The following PEX5L variants were observed in gnomAD, a reference collection of about 807,000 sequenced individuals.
PEX5L encodes the protein peroxisomal biogenesis factor 5 like, also known as PEX5-related protein.
PEX5L carries 30 observed loss-of-function variants against 84.0 expected under a neutral mutation model. The observed-to-expected ratio is 0.36, with a 90% confidence interval of 0.27 to 0.48. The LOEUF (loss-of-function observed/expected upper bound fraction) is 0.48. Among genes scored for constraint, PEX5L ranks in the 20% least tolerant of loss-of-function variants. The probability of loss-of-function intolerance (pLI) is 0.99; values close to 1 mark genes in which losing one functional copy is unlikely to be tolerated. For missense variants in PEX5L, 533 were observed against 754.6 expected, an observed-to-expected ratio of 0.71 and a Z score of 3.44; for synonymous variants, 270 against 283.1, an observed-to-expected ratio of 0.95 and a Z score of 0.46.
chr3:179,888,849 C>T (rs769769210), intron 3 of PEX5L, among the ~76,000 whole-genome samples: 4 of 152,054 alleles, frequency 2.6e-5, no homozygotes, highest in Non-Finnish European at 4.4e-5. Context: ...ACCGCATCCT[C>T]GAACTCCTGG....
At chr3:179,823,031 A>C (rs1236651233) in intron 8 of PEX5L, among the ~76,000 whole-genome samples, 1 of 152,242 alleles carries the variant, frequency 6.6e-6, no homozygotes, top group Middle Eastern at 3.2e-3. Context: ...ACTAAATGAG[A>C]AAATGCATCC....
At chr3:180,029,023 A>C (rs1304079455) in intron 1 of PEX5L, among the ~76,000 whole-genome samples, 12 of 152,190 alleles carry the variant, frequency 7.9e-5, no homozygotes, top group Admixed American at 7.8e-4. Context: ...AGTGGTTGGA[A>C]TTCACCTGAT....
At chr3:179,853,896 C>G (rs1742911854) in intron 8 of PEX5L, among the ~76,000 whole-genome samples, 1 of 151,202 alleles carries the variant, frequency 6.6e-6, no homozygotes, top group South Asian at 2.1e-4. Context: ...ACTGTAGCCT[C>G]TACATCCTGG....
At chr3:179,974,152 T>G (rs538810157) in intron 1 of PEX5L, 2 of 985,528 alleles carry the variant, frequency 2.0e-6, no homozygotes, top group Middle Eastern at 1.0e-3. Flanking sequence ...ATCTATGCAC[T>G]TTTGTCAAGC....
chr3:179,845,964 G>A (rs1161230327), intron 8 of PEX5L, among the ~76,000 whole-genome samples: 1 of 152,322 alleles, frequency 6.6e-6, no homozygotes, highest in African/African-American at 2.4e-5. Context: ...GAGGTCAGGA[G>A]TTTGAGACCA....
At chr3:179,902,735 T>C (rs963481379) in intron 2 of PEX5L, 9 of 446,806 alleles carry the variant, frequency 2.0e-5, no homozygotes, top group Admixed American at 2.0e-4. Flanking sequence ...GCCACTGGTG[T>C]AGTTGCAGAT....
chr3:180,000,511 C>G (rs562106787), intron 1 of PEX5L, among the ~76,000 whole-genome samples: 2 of 152,152 alleles, frequency 1.3e-5, no homozygotes, highest in African/African-American at 4.8e-5. Flanking sequence ...AAACCACGAC[C>G]TGCTGAGGTG....
At chr3:180,010,585 T>C (rs558683443) in intron 1 of PEX5L, among the ~76,000 whole-genome samples, 2 of 151,800 alleles carry the variant, frequency 1.3e-5, no homozygotes, top group South Asian at 4.2e-4. Flanking sequence ...ATTACAGGGG[T>C]GGTTTATCAA....
Position 179,819,944 on chromosome 3 carries a change from T to G in PEX5L, c.855A>C (p.Ala285=). Residue 285 remains alanine (A), a synonymous_variant, in exon 9 of 15, where the codon GCA becomes GCC. Coordinates refer to ENST00000467460, the MANE Select transcript of PEX5L (RefSeq NM_016559.3). ...SDTEFWDKMQ[A]EWEEMARRNW... is the part of the protein sequence containing the mutation. ...TCCTCCGAGCCATTTCTTCCCATTC[T>G]GCTTGCATCTTATCCCAAAACTCTG... 6.2e-7 allele frequency: 1 copy of G among 1,613,266 alleles called. No individual in the cohort carries two copies. The highest frequency in any genetic ancestry group is 8.5e-7 in the Non-Finnish European group (1 of 1,179,240).
chr3:179,827,225 C>T (rs367834439), intron 8 of PEX5L, among the ~76,000 whole-genome samples: 18 of 152,290 alleles, frequency 1.2e-4, no homozygotes, highest in Non-Finnish European at 1.6e-4. Context: ...TGGGAATACC[C>T]GGGCGTGACT....
intron 2 of PEX5L, among the ~76,000 whole-genome samples, chr3:179,933,617 T>C (rs1773729932): frequency 6.6e-6 from 1 of 152,206 alleles, no homozygotes; most frequent in African/African-American, 2.4e-5. Context: ...GGTAGTTACA[T>C]CAAAAATCTT....
chr3:180,022,892 G>A lies in PEX5L; in HGVS notation c.21+13687C>T, dbSNP rs139170066. On this transcript the variant is annotated intron_variant, in intron 1 of 14. Transcript: ENST00000467460. Reference sequence around the variant, plus strand: ...AGTATTACATGCATAAATGTTACAGGTGTTGAGTGCAGAGTATCGGTAAAG... The same window carrying A: ...AGTATTACATGCATAAATGTTACAGATGTTGAGTGCAGAGTATCGGTAAAG... 3.3e-5 allele frequency among the ~76,000 whole-genome samples: 5 copies of A among 152,306 alleles called. No homozygotes were observed. In the East Asian group the frequency reaches 9.6e-4, roughly 29 times the overall value.
intron 3 of PEX5L, among the ~76,000 whole-genome samples, chr3:179,892,301 ATCCC>A (rs1423604781): frequency 3.3e-5 from 5 of 152,216 alleles, no homozygotes; most frequent in Admixed American, 6.5e-5. Flanking sequence ...CTCTTTCAGG[ATCCC>A]ATTCAACTGG....
chr3:179,994,172 G>A lies in PEX5L; in HGVS notation c.22-22507C>T, dbSNP rs569250684. 4.6e-5 allele frequency among the ~76,000 whole-genome samples: 7 copies of A among 152,264 alleles called. No homozygotes were observed. The East Asian group carries it at 1.4e-3, about 29-fold the overall frequency. Reference sequence around the variant, plus strand: ...GTCCAGCTTGCCAACTGCCACCCAAGGAAAGCTATCACAAGCCGAGCCATT... The same window carrying A: ...GTCCAGCTTGCCAACTGCCACCCAAAGAAAGCTATCACAAGCCGAGCCATT... On this transcript the variant is annotated intron_variant, in intron 1 of 14. Transcript: ENST00000467460.
chr3:179,888,003 T>C, intron 3 of PEX5L: 1 of 739,014 alleles, frequency 1.4e-6, no homozygotes, highest in Non-Finnish European at 2.2e-6. Context: ...CCAACTTCAA[T>C]GTTTAAAGCT....
chr3:179,956,917 C>T (rs1289231849), intron 2 of PEX5L, among the ~76,000 whole-genome samples: 1 of 151,948 alleles, frequency 6.6e-6, no homozygotes, highest in Non-Finnish European at 1.5e-5. Flanking sequence ...TTTTTGCAAT[C>T]CCTTCTTTTC....
chr3:179,880,168 G>A, intron 4 of PEX5L, 45 bp from the exon 5 acceptor site: 1 of 1,224,454 alleles, frequency 8.2e-7, no homozygotes, highest in Non-Finnish European at 1.1e-6. Flanking sequence ...TTACTACTCT[G>A]AAATTATTTA....
intron 5 of PEX5L, among the ~76,000 whole-genome samples, chr3:179,877,403 A>G (rs578145416): frequency 5.3e-5 from 8 of 152,238 alleles, no homozygotes; most frequent in Non-Finnish European, 1.0e-4. Flanking sequence ...TTTTCTCAGA[A>G]GCAGAGAAAT....
At chr3:179,938,696 T>C (rs762413461) in intron 2 of PEX5L, among the ~76,000 whole-genome samples, 2 of 152,236 alleles carry the variant, frequency 1.3e-5, no homozygotes, top group African/African-American at 2.4e-5. Flanking sequence ...AAGGAGAGGA[T>C]GTGAATGTTG....
Sources: allele counts gnomAD v4.1 joint callset (sites outside exome capture counted in the v4.1 genomes callset), GRCh38; gene constraint gnomAD v4.1.1; transcripts MANE v1.5; gene names NCBI Gene and HGNC (gene_info 2026-07-23, HGNC 2026-07-21).